MAP3K2: variants seen among roughly 807,000 people sequenced by gnomAD.
MAP3K2 encodes the protein mitogen-activated protein kinase kinase kinase 2.
Under a neutral mutation model 80.3 loss-of-function variants are expected in MAP3K2, and 24 were observed. The observed-to-expected ratio is 0.30, with a 90% CI of 0.22 to 0.42. The LOEUF (loss-of-function observed/expected upper bound fraction) is 0.42, where lower values mean the gene tolerates loss of function less well. Ranked by LOEUF, MAP3K2 falls within the 10% of genes least tolerant of loss-of-function variation. The pLI is 1.00. For synonymous variants in MAP3K2, 244 were observed against 253.7 expected (o/e 0.96, Z 0.36); for missense variants, 608 against 750.1 (o/e 0.81, Z 2.21).
At position 127,312,015 on chromosome 2, in the gene MAP3K2, CA is replaced by C. The variant is rs776842294; in HGVS notation, c.1456+2738del. ...GCTCATCTGTCCTATATGTATATTA[CA>C]TAATTCTGTAACCGAATTTGGAGGC... is the stretch of plus-strand genomic sequence containing the variant. On this transcript the variant is annotated intron_variant, in intron 15 of 16. Transcript: ENST00000682094. 1.6e-4 allele frequency among the ~76,000 whole-genome samples: 25 copies of C among 152,296 alleles called. No individual in the cohort carries two copies. The Middle Eastern group carries it at 0.017, about 104-fold the overall frequency.
chr2:127,348,897 C>G (rs1339166078), intron 1 of MAP3K2, among the ~76,000 whole-genome samples: 1 of 152,104 alleles, frequency 6.6e-6, no homozygotes, highest in African/African-American at 2.4e-5. Flanking sequence ...TCAGTATTAT[C>G]AGATATGCTG....
intron 1 of MAP3K2, among the ~76,000 whole-genome samples, chr2:127,384,048 T>TTTTG (rs564977918): frequency 6.6e-5 from 10 of 151,660 alleles, no homozygotes; most frequent in Non-Finnish European, 1.2e-4. Flanking sequence ...TAGTGGTTTT[T>TTTTG]TTTGTTTGTT....
At chr2:127,340,470 G>A (rs1056385877) in intron 2 of MAP3K2, among the ~76,000 whole-genome samples, 2 of 152,042 alleles carry the variant, frequency 1.3e-5, no homozygotes, top group African/African-American at 2.4e-5. Context: ...AAGTCTGGCC[G>A]ATATGGTGAA....
At chr2:127,368,420 A>G (rs948350631) in intron 1 of MAP3K2, among the ~76,000 whole-genome samples, 2 of 152,140 alleles carry the variant, frequency 1.3e-5, no homozygotes, top group Non-Finnish European at 2.9e-5. Flanking sequence ...CTGGAGTTCG[A>G]AACCATCCTG....
At chr2:127,346,370 G>A (rs1360315305) in intron 1 of MAP3K2, among the ~76,000 whole-genome samples, 1 of 120,630 alleles carries the variant, frequency 8.3e-6, no homozygotes, top group Non-Finnish European at 1.7e-5. Context: ...CCCTGGACCA[G>A]ATCACTTCAA....
intron 1 of MAP3K2, among the ~76,000 whole-genome samples, chr2:127,377,465 A>G (rs2104897710): frequency 6.6e-6 from 1 of 152,032 alleles, no homozygotes; most frequent in Admixed American, 6.5e-5. Flanking sequence ...GAATATATGT[A>G]TTCCAGTGCG....
At chr2:127,328,130 C>A (rs1405302495) in intron 7 of MAP3K2, among the ~76,000 whole-genome samples, 1 of 152,044 alleles carries the variant, frequency 6.6e-6, no homozygotes, top group Non-Finnish European at 1.5e-5. Context: ...TAAAAATTAG[C>A]CAGGCATGGT....
At position 127,338,977 on chromosome 2, in the gene MAP3K2, G is replaced by A. The variant is rs1176621704; in HGVS notation, c.78C>T (p.Ser26=). 1 of 1,612,668 alleles carries A rather than the reference G, an allele frequency of 6.2e-7. No homozygotes were observed. Among genetic ancestry groups the A allele is most frequent in the South Asian group, 1.1e-5 (1 of 90,612 alleles). The part of the protein sequence containing the change: ...VLHKASRPAL[S]LQETRKAKSS... The stretch of plus-strand genomic sequence containing the variant: ...ATTTTGCTTTTCTGGTTTCCTGCAA[G>A]GATAATGCTGGTCGACTGGCCTTAT... Residue 26 remains serine (S), a synonymous_variant, in exon 3 of 17, where the codon TCC becomes TCT. Coordinates refer to ENST00000682094, the MANE Select transcript of MAP3K2 (RefSeq NM_001371910.2).
rs975274038 is a variant in MAP3K2 at position 127,301,642 on chromosome 2, T to C, written c.*5937A>G. The C allele has an allele frequency of 6.6e-6, 1 of 152,240 alleles. No homozygotes were observed. The highest frequency in any genetic ancestry group is 6.5e-5 in the Admixed American group (1 of 15,284). The allele number at this position is 152,240 out of a possible 1,614,324, so 9.4% of individuals were successfully genotyped here. On this transcript the variant is annotated 3_prime_UTR_variant, in exon 17 of 17. Transcript: ENST00000682094. Reference sequence around the variant, plus strand: ...AGTCATCAGGCAGAAGGAACAATGGTACTGATTTAATGCCTTTGCTGTTAT... The same window carrying C: ...AGTCATCAGGCAGAAGGAACAATGGCACTGATTTAATGCCTTTGCTGTTAT...
chr2:127,325,581 G>A (rs906532852), intron 9 of MAP3K2, 147 bp downstream of exon 9: 7 of 565,242 alleles, frequency 1.2e-5, no homozygotes, highest in South Asian at 2.5e-5. Flanking sequence ...CTAGTTCCTC[G>A]GGGGTCAGAG....
At chr2:127,384,726 C>G (rs1687314475) in intron 1 of MAP3K2, among the ~76,000 whole-genome samples, 1 of 151,784 alleles carries the variant, frequency 6.6e-6, no homozygotes, top group Non-Finnish European at 1.5e-5. Context: ...TGCACTGCCA[C>G]AGCTCACTGC....
chr2:127,362,764 T>C (rs760627670), intron 1 of MAP3K2, among the ~76,000 whole-genome samples: 1 of 152,218 alleles, frequency 6.6e-6, no homozygotes, highest in Non-Finnish European at 1.5e-5. Context: ...ATCTACTTTA[T>C]ATGATTGTTA....
Position 127,324,000 on chromosome 2 carries a change from A to C in MAP3K2, c.746-6T>G, listed in dbSNP as rs777563388. Reference sequence around the variant, plus strand: ...AAAGATAGGGTTATCATAGTCTGTTAAGACATATAAGATGGTTATCTTTTA... The same window carrying C: ...AAAGATAGGGTTATCATAGTCTGTTCAGACATATAAGATGGTTATCTTTTA... On this transcript the variant is annotated splice_region_variant and splice_polypyrimidine_tract_variant and intron_variant, in intron 10 of 16. Coordinates refer to ENST00000682094, the MANE Select transcript of MAP3K2 (RefSeq NM_001371910.2). 1.5e-6 allele frequency: 2 copies of C among 1,322,956 alleles called. No individual in the cohort carries two copies. The highest frequency in any genetic ancestry group is 2.1e-6 in the Non-Finnish European group (2 of 952,348). 82.0% of individuals were successfully genotyped at this position (1,322,956 alleles called of 1,614,324 possible).
At chr2:127,347,038 CA>C (rs1298962791) in intron 1 of MAP3K2, among the ~76,000 whole-genome samples, 1 of 151,902 alleles carries the variant, frequency 6.6e-6, no homozygotes, top group Non-Finnish European at 1.5e-5. Flanking sequence ...CAAATCATCT[CA>C]AAACATACAG....
chr2:127,307,550 G>A lies in MAP3K2; in HGVS notation c.*29C>T. ...AAGGTGAATGAATAGATGGGAGCTA[G>A]GTAGAGGCACAGGAGAGGTTACTGG... On this transcript the variant is annotated 3_prime_UTR_variant, in exon 17 of 17. Coordinates refer to ENST00000682094, the MANE Select transcript of MAP3K2 (RefSeq NM_001371910.2). This position sits in a 1 kb window ranked among gnomAD's most constrained non-coding sequence, Gnocchi z 5.4. The A allele has an allele frequency of 6.8e-7, 1 of 1,461,918 alleles. No individual in the cohort carries two copies. The highest frequency in any genetic ancestry group is 9.4e-7 in the Non-Finnish European group (1 of 1,066,648). 90.6% of individuals were successfully genotyped at this position (1,461,918 alleles called of 1,614,324 possible).
At chr2:127,318,788 T>C (rs753337050) in intron 12 of MAP3K2, among the ~76,000 whole-genome samples, 5 of 152,148 alleles carry the variant, frequency 3.3e-5, no homozygotes, top group Non-Finnish European at 5.9e-5. Flanking sequence ...AAAACTAAGA[T>C]TGCAGGGCAA....
At chr2:127,358,286 T>C (rs754873352) in intron 1 of MAP3K2, among the ~76,000 whole-genome samples, 4 of 152,202 alleles carry the variant, frequency 2.6e-5, no homozygotes, top group African/African-American at 4.8e-5. Context: ...ATCCAAAGTG[T>C]TGGCAAGGAT....
intron 7 of MAP3K2, among the ~76,000 whole-genome samples, chr2:127,328,013 G>A (rs1462349504): frequency 6.6e-6 from 1 of 152,154 alleles, no homozygotes; most frequent in Non-Finnish European, 1.5e-5. Flanking sequence ...TGTGGCTCAC[G>A]CCTGTAATCC....
At position 127,326,181 on chromosome 2, in the gene MAP3K2, A is replaced by G. The variant is rs770890083; in HGVS notation, c.598-374T>C. On this transcript the variant is annotated intron_variant, in intron 8 of 16. Transcript: ENST00000682094. ...GAACAATGGCCCCACCCAAACTGAG[A>G]CTAATGACACTATGACTATTACATT... 1.7e-4 allele frequency among the ~76,000 whole-genome samples: 25 copies of G among 151,398 alleles called. No homozygotes were observed. In the Middle Eastern group the frequency reaches 0.017, roughly 104 times the overall value.
Sources: allele counts gnomAD v4.1 joint callset (sites outside exome capture counted in the v4.1 genomes callset), GRCh38; gene constraint gnomAD v4.1.1; non-coding constraint Gnocchi (gnomAD v3.1); transcripts MANE v1.5; gene names NCBI Gene and HGNC (gene_info 2026-07-23, HGNC 2026-07-21).